COX7B2: variants seen among roughly 807,000 people sequenced by gnomAD.
COX7B2 encodes cytochrome c oxidase subunit 7B2, mitochondrial.
For synonymous variants in COX7B2, 37 were observed against 32.1 expected, an observed-to-expected ratio of 1.15 and a Z score of -0.51; for missense variants, 109 against 95.9, an observed-to-expected ratio of 1.14 and a Z score of -0.57.
intron 2 of COX7B2, among the ~76,000 whole-genome samples, chr4:46,832,004 C>A (rs1010228360): frequency 2.6e-5 from 4 of 152,126 alleles, no homozygotes; most frequent in Non-Finnish European, 5.9e-5. Flanking sequence ...CAATCAGCAC[C>A]CTGTTAAAAC....
intron 2 of COX7B2, among the ~76,000 whole-genome samples, chr4:46,809,825 T>G (rs546698622): frequency 6.6e-6 from 1 of 152,066 alleles, no homozygotes; most frequent in African/African-American, 2.4e-5. Context: ...GGTTAATATA[T>G]CCATTGTTGA....
intron 2 of COX7B2, among the ~76,000 whole-genome samples, chr4:46,748,434 A>G (rs761652744): frequency 6.6e-6 from 1 of 152,128 alleles, no homozygotes; most frequent in Admixed American, 6.5e-5. Flanking sequence ...ACAGCATGAG[A>G]ATATTATATA....
At chr4:46,816,142 C>T (rs1000858454) in intron 2 of COX7B2, among the ~76,000 whole-genome samples, 3 of 152,070 alleles carry the variant, frequency 2.0e-5, no homozygotes, top group South Asian at 4.1e-4. Flanking sequence ...ACTATTACAG[C>T]CTGTAAAATT....
intron 2 of COX7B2, among the ~76,000 whole-genome samples, chr4:46,826,540 C>T (rs1468412346): frequency 6.6e-6 from 1 of 151,736 alleles, no homozygotes; most frequent in Non-Finnish European, 1.5e-5. Context: ...ATTATTCTAC[C>T]ATAAAAAAAC....
intron 2 of COX7B2, among the ~76,000 whole-genome samples, chr4:46,753,038 A>C (rs10155261): frequency 6.6e-6 from 1 of 151,528 alleles, no homozygotes; most frequent in Non-Finnish European, 1.5e-5. Context: ...CTGTGAATCC[A>C]TCTGGTCCTG....
rs147920178 is a variant in COX7B2, at chr4:46,779,635, T to G, written c.-49-44394A>C. On this transcript the variant is annotated intron_variant, in intron 2 of 2. Coordinates refer to ENST00000355591, the MANE Select transcript of COX7B2 (RefSeq NM_130902.3). ...TCTACAATGGCTGCACCAATCTACATTCCCACCAACAGTGCACAAGGACTT... is the reference window on the plus strand; with the variant it reads ...TCTACAATGGCTGCACCAATCTACAGTCCCACCAACAGTGCACAAGGACTT... Among the ~76,000 whole-genome samples the G allele has an allele frequency of 3.8e-3, 572 of 152,234 alleles. 5 individuals carry two copies. The highest frequency in any genetic ancestry group is 0.013 in the African/African-American group (555 of 41,536).
intron 2 of COX7B2, among the ~76,000 whole-genome samples, chr4:46,827,984 G>C (rs1243176753): frequency 6.6e-6 from 1 of 152,098 alleles, no homozygotes; most frequent in Non-Finnish European, 1.5e-5. Context: ...TGGAGGGGAT[G>C]GAAATTTTCT....
At chr4:46,827,717 A>G (rs1411250807) in intron 2 of COX7B2, among the ~76,000 whole-genome samples, 1 of 152,154 alleles carries the variant, frequency 6.6e-6, no homozygotes, top group African/African-American at 2.4e-5. Flanking sequence ...AGGAATGAAG[A>G]GCACCAGAAA....
At chr4:46,820,657 A>G (rs947418865) in intron 2 of COX7B2, among the ~76,000 whole-genome samples, 3 of 151,968 alleles carry the variant, frequency 2.0e-5, no homozygotes, top group East Asian at 3.9e-4. Flanking sequence ...CCCCGTCTCT[A>G]CTAAAAATAC....
chr4:46,814,196 A>G (rs747816276), intron 2 of COX7B2, among the ~76,000 whole-genome samples: 1 of 152,210 alleles, frequency 6.6e-6, no homozygotes, highest in Non-Finnish European at 1.5e-5. Flanking sequence ...CGGTATATTA[A>G]AGGGACGGTT....
At chr4:46,757,906 G>A (rs1283004600) in intron 2 of COX7B2, among the ~76,000 whole-genome samples, 1 of 152,158 alleles carries the variant, frequency 6.6e-6, no homozygotes, top group East Asian at 1.9e-4. Context: ...AAAGCCCAAT[G>A]TGACTGGGGC....
At chr4:46,818,688 T>G (rs1714032912) in intron 2 of COX7B2, among the ~76,000 whole-genome samples, 1 of 152,108 alleles carries the variant, frequency 6.6e-6, no homozygotes, top group Non-Finnish European at 1.5e-5. Context: ...TCAAGCATCT[T>G]TCATTGTAAT....
At chr4:46,795,431 TC>T (rs1718272162) in intron 2 of COX7B2, among the ~76,000 whole-genome samples, 1 of 94,596 alleles carries the variant, frequency 1.1e-5, no homozygotes, top group African/African-American at 4.9e-5. Flanking sequence ...TAGCCAGTTT[TC>T]CCAGCACCAT....
At chr4:46,757,038 C>T (rs1006337115) in intron 2 of COX7B2, among the ~76,000 whole-genome samples, 3 of 151,928 alleles carry the variant, frequency 2.0e-5, no homozygotes, top group African/African-American at 7.3e-5. Flanking sequence ...TGGAATCAAC[C>T]TAAGTGTCCA....
At chr4:46,882,225 T>C (rs1718793181) in intron 1 of COX7B2, among the ~76,000 whole-genome samples, 1 of 152,184 alleles carries the variant, frequency 6.6e-6, no homozygotes, top group Non-Finnish European at 1.5e-5. Context: ...ATGTGGTCAA[T>C]TTTAGAGTAT....
intron 2 of COX7B2, among the ~76,000 whole-genome samples, chr4:46,781,136 A>G (rs1717425331): frequency 6.6e-6 from 1 of 152,172 alleles, no homozygotes; most frequent in South Asian, 2.1e-4. Context: ...TAGACTTACT[A>G]TTAGAAGGTG....
chr4:46,880,007 G>A (rs1028320279), intron 1 of COX7B2, among the ~76,000 whole-genome samples: 8 of 152,214 alleles, frequency 5.3e-5, no homozygotes, highest in African/African-American at 1.9e-4. Flanking sequence ...TAGAAGTGGT[G>A]AGAGAGGGCA....
chr4:46,850,169 T>C (rs1192719191), intron 1 of COX7B2, among the ~76,000 whole-genome samples: 2 of 151,434 alleles, frequency 1.3e-5, no homozygotes, highest in African/African-American at 4.9e-5. Flanking sequence ...AAAATAATGA[T>C]TTAAAATAAT....
chr4:46,765,383 C>T (rs1321094305), intron 2 of COX7B2, among the ~76,000 whole-genome samples: 3 of 152,132 alleles, frequency 2.0e-5, no homozygotes, highest in African/African-American at 7.2e-5. Context: ...ATGTGTACGC[C>T]AGTGAATCCT....
Sources: gnomAD v4.1 joint callset for allele counts (sites outside exome capture counted in the v4.1 genomes callset) on GRCh38, gnomAD v4.1.1 for gene constraint, MANE v1.5 for transcripts, NCBI Gene and HGNC (gene_info 2026-07-23, HGNC 2026-07-21) for gene names.